NAMPT: variants seen among roughly 807,000 people sequenced by gnomAD.
NAMPT encodes nicotinamide phosphoribosyltransferase.
In NAMPT, 7 loss-of-function variants were observed where a neutral mutation model predicts 58.7. The observed-to-expected ratio is 0.12, with a 90% CI of 0.07 to 0.22. The LOEUF (loss-of-function observed/expected upper bound fraction) is 0.22. Among genes scored for constraint, NAMPT ranks in the 10% least tolerant of loss-of-function variants. NAMPT has a pLI of 1.00. For synonymous variants in NAMPT, 145 were observed against 198.1 expected (o/e 0.73, Z 2.25); for missense variants, 271 against 567.9 (o/e 0.48, Z 5.31).
intron 1 of NAMPT, among the ~76,000 whole-genome samples, chr7:106,280,216 T>C (rs1021678049): frequency 6.6e-6 from 1 of 152,114 alleles, no homozygotes; most frequent in Non-Finnish European, 1.5e-5. Flanking sequence ...CCCAGTGTTT[T>C]TGGAGGTAAA....
At chr7:106,261,020 A>T (rs1792292476) in intron 8 of NAMPT, among the ~76,000 whole-genome samples, 1 of 152,254 alleles carries the variant, frequency 6.6e-6, no homozygotes, top group Non-Finnish European at 1.5e-5. Context: ...TTGGAAAAAT[A>T]GCACCAACAG....
chr7:106,260,504 T>C (rs1409808913), intron 8 of NAMPT, among the ~76,000 whole-genome samples: 1 of 152,262 alleles, frequency 6.6e-6, no homozygotes, highest in Non-Finnish European at 1.5e-5. Flanking sequence ...GCAATAAAGC[T>C]GTTTCACTTT....
chr7:106,258,806 T>C (rs960422740), intron 8 of NAMPT, among the ~76,000 whole-genome samples: 3 of 152,130 alleles, frequency 2.0e-5, no homozygotes, highest in Non-Finnish European at 4.4e-5. Context: ...TGGTGGAGGG[T>C]CTTGCCCTGT....
chr7:106,264,666 A>G (rs1792375638), intron 6 of NAMPT, among the ~76,000 whole-genome samples: 1 of 152,200 alleles, frequency 6.6e-6, no homozygotes, highest in Admixed American at 6.5e-5. Context: ...AAAGATCTCA[A>G]ACAACTTAAT....
chr7:106,267,657 C>T (rs981234638), intron 6 of NAMPT, among the ~76,000 whole-genome samples: 8 of 150,762 alleles, frequency 5.3e-5, no homozygotes, highest in African/African-American at 1.2e-4. Flanking sequence ...CTGACTAAAA[C>T]GGTGAAACCC....
intron 9 of NAMPT, 159 bp from the exon 10 acceptor site, chr7:106,253,310 C>A: frequency 1.5e-6 from 1 of 680,916 alleles, no homozygotes. Context: ...AGAAACATAA[C>A]ACTTTAGCCT....
At chr7:106,268,704 A>C in intron 5 of NAMPT, 104 bp from the exon 6 acceptor site, 1 of 783,546 alleles carries the variant, frequency 1.3e-6, no homozygotes, top group South Asian at 1.6e-5. Flanking sequence ...TAGCTCCCAT[A>C]AGAATTGTCT....
intron 7 of NAMPT, among the ~76,000 whole-genome samples, chr7:106,262,382 A>G (rs543262151): frequency 1.3e-5 from 2 of 152,232 alleles, no homozygotes; most frequent in South Asian, 4.1e-4. Context: ...TCCTAAATAA[A>G]CTGATTAAAG....
chr7:106,268,534 C>T lies in NAMPT; in HGVS notation c.673G>A (p.Ala225Thr), dbSNP rs1413810770. Reference sequence around the variant, plus strand: ...GTTCCATAATATTTTTTAATTAGAGCAAGTCCTGCTACTGTATCTGTTCCT... The same window carrying T: ...GTTCCATAATATTTTTTAATTAGAGTAAGTCCTGCTACTGTATCTGTTCCT... ...FKGTDTVAGL[A>T]LIKKYYGTKD... The change falls in exon 6 of 11, where the codon GCT (alanine) becomes ACT (threonine). Residue 225 changes from alanine (A) to threonine (T), a missense_variant. Transcript: ENST00000222553. 5.0e-6 allele frequency: 8 copies of T among 1,612,348 alleles called. No individual in the cohort carries two copies. Among genetic ancestry groups the T allele is most frequent in the Non-Finnish European group, 6.8e-6 (8 of 1,178,506 alleles).
At chr7:106,255,793 G>A (rs1374030635) in intron 8 of NAMPT, among the ~76,000 whole-genome samples, 3 of 152,156 alleles carry the variant, frequency 2.0e-5, no homozygotes, top group Non-Finnish European at 2.9e-5. Flanking sequence ...TGTGAACAAA[G>A]TGAATTTCAA....
chr7:106,269,168 C>T lies in NAMPT; in HGVS notation c.592G>A (p.Val198Ile). 6.2e-7 allele frequency: 1 copy of T among 1,610,536 alleles called. No individual in the cohort carries two copies. Among genetic ancestry groups the T allele is most frequent in the Non-Finnish European group, 8.5e-7 (1 of 1,178,652 alleles). ...YKLHDFGYRG[V>I]SSQETAGIGA... ...CAGTTACTTACCTCTTGGGAAGAGACTCCTCTGTAGCCAAAATCATGTAAC... is the reference window on the plus strand; with the variant it reads ...CAGTTACTTACCTCTTGGGAAGAGATTCCTCTGTAGCCAAAATCATGTAAC... Residue 198 changes from valine (V) to isoleucine (I), a missense_variant, in exon 5 of 11, where the codon GTC becomes ATC. By Grantham distance (29) the Val-to-Ile change is conservative (BLOSUM62 3). This residue lies in a region of NAMPT where 2 missense variants were observed against 26.2 expected (regional missense o/e 0.08). Coordinates refer to ENST00000222553, the MANE Select transcript of NAMPT (RefSeq NM_005746.3).
At chr7:106,274,335 TTTAAG>T (rs1203777566) in intron 3 of NAMPT, among the ~76,000 whole-genome samples, 1 of 152,034 alleles carries the variant, frequency 6.6e-6, no homozygotes, top group Admixed American at 6.5e-5. Context: ...AAAAATGTTA[TTTAAG>T]TTATAATTCA....
chr7:106,284,902 G>A lies in NAMPT; in HGVS notation c.-18C>T, dbSNP rs998312580. On this transcript the variant is annotated 5_prime_UTR_variant, in exon 1 of 11. Transcript: ENST00000222553. ...GGATTCATCTCGGGCCGGAGGACAG[G>A]GGCCGCGCGCCGCGAGCTCCCTGGC... 1.3e-6 allele frequency: 2 copies of A among 1,577,384 alleles called. No individual in the cohort carries two copies. The highest frequency in any genetic ancestry group is 1.3e-5 in the African/African-American group (1 of 74,254).
intron 6 of NAMPT, among the ~76,000 whole-genome samples, chr7:106,265,797 T>TAAG (rs886915023): frequency 6.6e-6 from 1 of 152,180 alleles, no homozygotes; most frequent in African/African-American, 2.4e-5. Flanking sequence ...CAATGAATTC[T>TAAG]ACCAATGCCA....
At chr7:106,276,450 T>G (rs1792645091) in intron 2 of NAMPT, 1 of 152,270 alleles carries the variant, frequency 6.6e-6, no homozygotes, top group Non-Finnish European at 1.5e-5. Flanking sequence ...AAAAGGAGTT[T>G]CCAGTTCATT....
intron 1 of NAMPT, among the ~76,000 whole-genome samples, chr7:106,282,992 A>C (rs1418910553): frequency 1.3e-5 from 2 of 152,214 alleles, no homozygotes; most frequent in South Asian, 2.1e-4. Context: ...TAAAAACATA[A>C]GGGAAATGAA....
At chr7:106,274,688 C>T (rs928507945) in intron 3 of NAMPT, among the ~76,000 whole-genome samples, 13 of 152,104 alleles carry the variant, frequency 8.5e-5, no homozygotes, top group Non-Finnish European at 1.8e-4. Context: ...AACCCCATCT[C>T]TACTAAAAAT....
At chr7:106,280,680 G>A (rs572062877) in intron 1 of NAMPT, among the ~76,000 whole-genome samples, 2 of 152,158 alleles carry the variant, frequency 1.3e-5, no homozygotes, top group Non-Finnish European at 2.9e-5. Flanking sequence ...GGTGGCTCAT[G>A]CCTGTAATCC....
At chr7:106,262,304 A>G (rs1055554063) in intron 7 of NAMPT, among the ~76,000 whole-genome samples, 1 of 152,118 alleles carries the variant, frequency 6.6e-6, no homozygotes, top group Non-Finnish European at 1.5e-5. Context: ...CCAAATTAAA[A>G]TTTCTCAGAA....
Sources: allele counts gnomAD v4.1 joint callset (sites outside exome capture counted in the v4.1 genomes callset), GRCh38; gene constraint gnomAD v4.1.1; regional missense constraint gnomAD v4.1.1; transcripts MANE v1.5; gene names NCBI Gene and HGNC (gene_info 2026-07-23, HGNC 2026-07-21).